The following MAPK14 variants were observed in gnomAD, a reference collection of about 807,000 sequenced individuals.
MAPK14 encodes the protein CSAID-binding protein.
MAPK14 carries 16 observed loss-of-function variants against 49.6 expected under a neutral mutation model. The observed-to-expected ratio is 0.32, with a 90% CI of 0.22 to 0.49. The LOEUF is 0.49. MAPK14 is among the 20% of genes least tolerant of loss of function. The pLI, the probability that MAPK14 is intolerant of heterozygous loss-of-function variation, is 0.99. For synonymous variants in MAPK14, 142 were observed against 158.0 expected (o/e 0.90, Z 0.76); for missense variants, 200 against 441.2 (o/e 0.45, Z 4.90).
downstream of MAPK14, among the ~76,000 whole-genome samples, chr6:36,113,295 T>G (rs557329540): frequency 6.8e-6 from 1 of 146,414 alleles, no homozygotes; most frequent in East Asian, 2.0e-4. Context: ...TGAGTCATGG[T>G]TGTGCCACTG....
chr6:36,105,169 G>A (rs1292679904), intron 10 of MAPK14, among the ~76,000 whole-genome samples: 1 of 152,036 alleles, frequency 6.6e-6, no homozygotes, highest in Non-Finnish European at 1.5e-5. Context: ...CACTGACTTT[G>A]TTTCACTGCT....
Position 36,063,719 on chromosome 6 carries a change from A to G in MAPK14, c.305+4372A>G, listed in dbSNP as rs573819331. Among the ~76,000 whole-genome samples, 14 of 152,356 alleles carry G rather than the reference A, an allele frequency of 9.2e-5. No individual in the cohort carries two copies. The East Asian group carries it at 1.3e-3, about 15-fold the overall frequency. On this transcript the variant is annotated intron_variant, in intron 3 of 11. Coordinates refer to ENST00000229794, the MANE Select transcript of MAPK14 (RefSeq NM_139012.3). ...CAATAGGTAGTGCATTTTGAACATT[A>G]GGAACAATATACAGTTACTGAATCT...
At chr6:36,065,226 T>C (rs989637178) in intron 3 of MAPK14, among the ~76,000 whole-genome samples, 22 of 152,252 alleles carry the variant, frequency 1.4e-4, no homozygotes, top group African/African-American at 5.3e-4. Flanking sequence ...TAAGCTGTGT[T>C]CAAGCACGGA....
chr6:36,073,421 C>T (rs1037326277), intron 4 of MAPK14, among the ~76,000 whole-genome samples: 1 of 152,194 alleles, frequency 6.6e-6, no homozygotes, highest in African/African-American at 2.4e-5. Flanking sequence ...TAAAATTAAA[C>T]CCATCTTTGA....
At chr6:36,095,949 A>T in intron 8 of MAPK14, 38 bp from the exon 9 acceptor site, 1 of 1,244,886 alleles carries the variant, frequency 8.0e-7, no homozygotes, top group South Asian at 1.2e-5. Flanking sequence ...TTTCATTTTT[A>T]TTTTGTCCCA....
Position 36,076,628 on chromosome 6 carries a change from G to A in MAPK14, c.682+20G>A. 6.3e-7 allele frequency: 1 copy of A among 1,597,162 alleles called. No homozygotes were observed. The highest frequency in any genetic ancestry group is 8.6e-7 in the Non-Finnish European group (1 of 1,164,864). ...CAGACCGTATCCTTTAAAAAGTTTTGGATTCTTGTTTCTTATCTGTATTCC... is the reference window on the plus strand; with the variant it reads ...CAGACCGTATCCTTTAAAAAGTTTTAGATTCTTGTTTCTTATCTGTATTCC... On this transcript the variant is annotated intron_variant, in intron 8 of 11. Coordinates refer to ENST00000229794, the MANE Select transcript of MAPK14 (RefSeq NM_139012.3).
chr6:36,086,370 C>G (rs1005776576), intron 8 of MAPK14, among the ~76,000 whole-genome samples: 3 of 151,972 alleles, frequency 2.0e-5, no homozygotes, highest in Non-Finnish European at 4.4e-5. Context: ...CTCCCAAGAT[C>G]TGGTATTTTG....
chr6:36,062,982 T>C (rs776884342), intron 3 of MAPK14, among the ~76,000 whole-genome samples: 1 of 152,170 alleles, frequency 6.6e-6, no homozygotes, highest in Non-Finnish European at 1.5e-5. Flanking sequence ...AATCATGTGA[T>C]ACGTGTATTT....
chr6:36,064,940 C>T (rs1213223796), intron 3 of MAPK14, among the ~76,000 whole-genome samples: 2 of 152,200 alleles, frequency 1.3e-5, no homozygotes, highest in Non-Finnish European at 2.9e-5. Context: ...ACTCTGTCTC[C>T]ACCCCAGTCA....
intron 9 of MAPK14, chr6:36,098,045 T>C (rs1022656139): frequency 1.3e-5 from 2 of 151,954 alleles, no homozygotes; most frequent in African/African-American, 4.8e-5. Context: ...AAGCGCATGA[T>C]GTATGGGAAC....
chr6:36,046,289 A>G (rs1042792123), intron 1 of MAPK14, among the ~76,000 whole-genome samples: 1 of 152,208 alleles, frequency 6.6e-6, no homozygotes, highest in African/African-American at 2.4e-5. Context: ...TAAATTCACA[A>G]TTGGGGGAAA....
rs1765840715 is a variant in MAPK14, at chr6:36,107,714, G to A, written c.1015+86G>A. ...AAAACTGAATGGTCATAACCAACTT[G>A]CTAAAGCTTGTAGATGAGGTCTCTA... On this transcript the variant is annotated intron_variant, in intron 11 of 11. Coordinates refer to ENST00000229794, the MANE Select transcript of MAPK14 (RefSeq NM_139012.3). This position sits in a 1 kb window ranked among gnomAD's most constrained non-coding sequence, Gnocchi z 4.3. 1.0e-6 allele frequency: 1 copy of A among 981,592 alleles called. No individual in the cohort carries two copies. The highest frequency in any genetic ancestry group is 1.6e-5 in the African/African-American group (1 of 60,664). 60.8% of individuals were successfully genotyped at this position (981,592 alleles called of 1,614,324 possible).
At chr6:36,115,884 T>C (rs934299539), downstream of MAPK14, among the ~76,000 whole-genome samples, 3 of 145,200 alleles carry the variant, frequency 2.1e-5, no homozygotes, top group African/African-American at 7.8e-5. Flanking sequence ...GCTGAGATCA[T>C]GCCACTGCAC....
At chr6:36,114,876 A>G (rs1766033212), downstream of MAPK14, among the ~76,000 whole-genome samples, 1 of 152,230 alleles carries the variant, frequency 6.6e-6, no homozygotes. Context: ...CAGTAAGGAA[A>G]TAACAAATCT....
chr6:36,094,822 C>T (rs1364404701), intron 8 of MAPK14, among the ~76,000 whole-genome samples: 1 of 152,014 alleles, frequency 6.6e-6, no homozygotes, highest in Non-Finnish European at 1.5e-5. Context: ...GTGATAAGCA[C>T]TATGATGTTA....
Position 36,092,223 on chromosome 6 carries a change from G to A in MAPK14, c.683-3764G>A, listed in dbSNP as rs1290096131. 3 of 556,576 alleles carry A rather than the reference G, an allele frequency of 5.4e-6. No homozygotes were observed. In the East Asian group the frequency reaches 1.4e-4, roughly 27 times the overall value. 34.5% of individuals were successfully genotyped at this position (556,576 alleles called of 1,614,324 possible). ...CTCCGTTAATGATTACTGTCACGAT[G>A]TGTGTGGTACAGTTTGACAAACCTG... is the stretch of plus-strand genomic sequence containing the variant. On this transcript the variant is annotated intron_variant, in intron 8 of 11. Transcript: ENST00000229794.
At chr6:36,094,193 A>G (rs1016649660) in intron 8 of MAPK14, among the ~76,000 whole-genome samples, 2 of 152,238 alleles carry the variant, frequency 1.3e-5, no homozygotes, top group African/African-American at 2.4e-5. Flanking sequence ...TTTGCAGATG[A>G]CAAAATTCCC....
chr6:36,073,033 C>A, intron 4 of MAPK14, 49 bp downstream of exon 4: 1 of 1,202,280 alleles, frequency 8.3e-7, no homozygotes, highest in South Asian at 1.2e-5. Flanking sequence ...CTCCCTTTCT[C>A]CCCTCCTTTT....
intron 8 of MAPK14, among the ~76,000 whole-genome samples, chr6:36,093,841 T>C (rs1765344589): frequency 6.6e-6 from 1 of 152,174 alleles, no homozygotes; most frequent in Non-Finnish European, 1.5e-5. Flanking sequence ...GATGCATATA[T>C]TGTAAAGCCA....
Sources: allele counts gnomAD v4.1 joint callset (sites outside exome capture counted in the v4.1 genomes callset), GRCh38; gene constraint gnomAD v4.1.1; non-coding constraint Gnocchi (gnomAD v3.1); transcripts MANE v1.5; gene names NCBI Gene and HGNC (gene_info 2026-07-23, HGNC 2026-07-21).